EPHB1: variants seen among roughly 807,000 people sequenced by gnomAD.
The protein encoded by EPHB1 is EPH receptor B1, also known as ephrin type-B receptor 1.
In EPHB1, 30 loss-of-function variants were observed where a neutral mutation model predicts 94.4. That is an observed-to-expected ratio of 0.32 (90% CI 0.24 to 0.43). EPHB1 has a LOEUF of 0.43. Among genes scored for constraint, EPHB1 ranks in the 20% least tolerant of loss-of-function variants. EPHB1 has a pLI of 1.00. For missense variants in EPHB1, 1,055 were observed against 1,308.3 expected, an observed-to-expected ratio of 0.81 and a Z score of 2.99; for synonymous variants, 522 against 489.1, an observed-to-expected ratio of 1.07 and a Z score of -0.89.
At chr3:135,207,758 A>G (rs946154276) in intron 12 of EPHB1, among the ~76,000 whole-genome samples, 4 of 152,224 alleles carry the variant, frequency 2.6e-5, no homozygotes, top group African/African-American at 9.6e-5. Context: ...ATTTCTTGTC[A>G]TCTGTAGGCT....
intron 3 of EPHB1, chr3:134,978,063 C>T (rs1051793274): frequency 1.1e-5 from 5 of 437,786 alleles, no homozygotes; most frequent in Admixed American, 2.7e-5. Context: ...GCATCCACCC[C>T]CTCTGAGGAA....
chr3:134,915,893 A>G (rs2038558629), intron 1 of EPHB1, among the ~76,000 whole-genome samples: 1 of 152,224 alleles, frequency 6.6e-6, no homozygotes, highest in Non-Finnish European at 1.5e-5. Flanking sequence ...AAGCTTCCAC[A>G]GGGTGGGAGG....
At chr3:135,000,513 CTT>C (rs1292227579) in intron 3 of EPHB1, among the ~76,000 whole-genome samples, 3 of 152,200 alleles carry the variant, frequency 2.0e-5, no homozygotes, top group African/African-American at 7.2e-5. Context: ...TGCAAATTGG[CTT>C]TTCTTTTTCG....
At chr3:134,863,258 T>C (rs1241674775) in intron 1 of EPHB1, among the ~76,000 whole-genome samples, 1 of 152,254 alleles carries the variant, frequency 6.6e-6, no homozygotes. Flanking sequence ...ATCTTCCCAT[T>C]GTTCTTGTAT....
chr3:135,053,457 A>C (rs1937254281), intron 3 of EPHB1, among the ~76,000 whole-genome samples: 1 of 152,192 alleles, frequency 6.6e-6, no homozygotes, highest in Non-Finnish European at 1.5e-5. Flanking sequence ...TGAGATTTTT[A>C]ATGTGGAGGT....
At chr3:135,116,749 C>T (rs1939734798) in intron 4 of EPHB1, among the ~76,000 whole-genome samples, 1 of 152,220 alleles carries the variant, frequency 6.6e-6, no homozygotes, top group Non-Finnish European at 1.5e-5. Flanking sequence ...TCTGTCCCTA[C>T]ATCTGAGCTT....
At chr3:134,976,958 C>G (rs1474794432) in intron 3 of EPHB1, among the ~76,000 whole-genome samples, 1 of 152,200 alleles carries the variant, frequency 6.6e-6, no homozygotes, top group African/African-American at 2.4e-5. Context: ...CCCAGTTCAT[C>G]AACATTACAA....
chr3:135,167,034 T>A (rs373579538), intron 9 of EPHB1, 28 bp downstream of exon 9: 54 of 1,612,914 alleles, frequency 3.3e-5, no homozygotes, highest in Non-Finnish European at 4.3e-5. Flanking sequence ...ACCCGGTGTC[T>A]GACCCCCACA....
chr3:135,074,169 TAAGA>T (rs1448880205), intron 3 of EPHB1, among the ~76,000 whole-genome samples: 1 of 152,216 alleles, frequency 6.6e-6, no homozygotes, highest in Non-Finnish European at 1.5e-5. Context: ...ATGGTTTGTA[TAAGA>T]AAGGCATATA....
At chr3:135,105,847 G>T (rs1939196218) in intron 3 of EPHB1, among the ~76,000 whole-genome samples, 2 of 152,182 alleles carry the variant, frequency 1.3e-5, no homozygotes, top group Admixed American at 1.3e-4. Flanking sequence ...ATGTTGTTAA[G>T]GCATTAACCT....
At chr3:134,959,966 C>CG (rs1933441222) in intron 3 of EPHB1, among the ~76,000 whole-genome samples, 2 of 107,422 alleles carry the variant, frequency 1.9e-5, no homozygotes, top group South Asian at 6.1e-4. Context: ...ACATCTGCAC[C>CG]TTTTTTTTTT....
chr3:135,188,970 G>A (rs886627356), intron 10 of EPHB1, among the ~76,000 whole-genome samples: 4 of 151,798 alleles, frequency 2.6e-5, no homozygotes, highest in East Asian at 1.9e-4. Flanking sequence ...CCATGACCAC[G>A]AAGGTAACCA....
intron 3 of EPHB1, among the ~76,000 whole-genome samples, chr3:135,015,160 G>C (rs1935752945): frequency 6.6e-6 from 1 of 152,010 alleles, no homozygotes; most frequent in Admixed American, 6.6e-5. Flanking sequence ...CATGGAGTCT[G>C]ACTACATCCT....
intron 4 of EPHB1, among the ~76,000 whole-genome samples, chr3:135,130,122 A>G (rs188362313): frequency 6.6e-6 from 1 of 152,320 alleles, no homozygotes; most frequent in East Asian, 1.9e-4. Context: ...GAAATGCAGA[A>G]GCAATGTTGG....
chr3:135,200,554 T>G (rs1942726015), intron 11 of EPHB1, among the ~76,000 whole-genome samples: 1 of 152,220 alleles, frequency 6.6e-6, no homozygotes, highest in African/African-American at 2.4e-5. Flanking sequence ...GGAAAAGATG[T>G]ATTCATCATT....
chr3:135,178,125 C>T (rs1942035985), intron 9 of EPHB1, among the ~76,000 whole-genome samples: 1 of 151,934 alleles, frequency 6.6e-6, no homozygotes, highest in South Asian at 2.1e-4. Context: ...AAAAACTGTT[C>T]TGGGCAGGGC....
intron 3 of EPHB1, among the ~76,000 whole-genome samples, chr3:134,986,775 A>G (rs1934616983): frequency 6.6e-6 from 1 of 151,442 alleles, no homozygotes; most frequent in South Asian, 2.1e-4. Context: ...CCTATTTTCC[A>G]TCACTGGTGC....
rs74343142 is a variant in EPHB1 at position 134,835,567 on chromosome 3, G to T, written c.58+39878G>T. ...ACCTGGAAGCCCAGAGAGGTGAAGT[G>T]ATTTGCTTCAAGGCAAGTTAAAAAA... On this transcript the variant is annotated intron_variant, in intron 1 of 15. Transcript: ENST00000398015. Among the ~76,000 whole-genome samples, 799 of 152,310 alleles carry T rather than the reference G, an allele frequency of 5.2e-3. 6 individuals are homozygous for T. Among genetic ancestry groups the T allele is most frequent in the African/African-American group, 0.018 (760 of 41,562 alleles).
intron 12 of EPHB1, among the ~76,000 whole-genome samples, chr3:135,230,339 G>A (rs1403945547): frequency 6.6e-6 from 1 of 152,076 alleles, no homozygotes. Flanking sequence ...GTCCAGCCCT[G>A]CTTACTACAT....
Sources: gnomAD v4.1 joint callset for allele counts (sites outside exome capture counted in the v4.1 genomes callset) on GRCh38, gnomAD v4.1.1 for gene constraint, MANE v1.5 for transcripts, NCBI Gene and HGNC (gene_info 2026-07-23, HGNC 2026-07-21) for gene names.